Variants in USP7 observed in about 807,000 individuals in gnomAD.
USP7 encodes the protein ubiquitin C-terminal hydrolase 7.
USP7 carries 9 observed loss-of-function variants against 162.9 expected under a neutral mutation model. The ratio of observed to expected loss-of-function variants is 0.06; its 90% CI spans 0.03 to 0.10. The LOEUF (loss-of-function observed/expected upper bound fraction) is 0.10. Ranked by LOEUF, USP7 falls within the 10% of genes least tolerant of loss-of-function variation. USP7 has a pLI of 1.00. For missense variants in USP7, 715 were observed against 1,373.7 expected, an observed-to-expected ratio of 0.52 and a Z score of 7.58; for synonymous variants, 562 against 475.9, an observed-to-expected ratio of 1.18 and a Z score of -2.35.
intron 1 of USP7, among the ~76,000 whole-genome samples, chr16:8,943,864 A>C (rs1229257650): frequency 6.6e-6 from 1 of 152,224 alleles, no homozygotes. Flanking sequence ...GCACAACTTT[A>C]AACATAAGTT....
chr16:8,902,753 T>C (rs538158440), intron 16 of USP7, among the ~76,000 whole-genome samples: 1 of 152,142 alleles, frequency 6.6e-6, no homozygotes, highest in African/African-American at 2.4e-5. Context: ...CTGGGCCTGG[T>C]GACGGGTGCC....
At chr16:8,921,381 A>G in intron 3 of USP7, 86 bp from the exon 4 acceptor site, 1 of 1,469,712 alleles carries the variant, frequency 6.8e-7, no homozygotes, top group Non-Finnish European at 9.2e-7. Context: ...AGCACACCAA[A>G]ATTCCCATTT....
At chr16:8,900,436 G>C (rs1018637992) in intron 21 of USP7, 94 bp downstream of exon 21, 15 of 863,832 alleles carry the variant, frequency 1.7e-5, no homozygotes, top group Admixed American at 9.2e-5. Flanking sequence ...CAAAAACGTG[G>C]CTCGGGATCT....
intron 10 of USP7, among the ~76,000 whole-genome samples, chr16:8,914,743 C>A (rs1430295262): frequency 1.3e-5 from 2 of 151,614 alleles, no homozygotes; most frequent in Non-Finnish European, 1.5e-5. Context: ...CAAAGTAAGA[C>A]CCCATCTCTT....
At chr16:8,913,347 C>T (rs926736491) in intron 10 of USP7, among the ~76,000 whole-genome samples, 2 of 152,066 alleles carry the variant, frequency 1.3e-5, no homozygotes, top group Non-Finnish European at 2.9e-5. Flanking sequence ...CAGAGCGAGA[C>T]TCCCTCTCAA....
chr16:8,929,378 A>G, intron 2 of USP7: 1 of 423,620 alleles, frequency 2.4e-6, no homozygotes, highest in South Asian at 1.7e-5. Flanking sequence ...CCTTCCTCAG[A>G]TATTGCCTCA....
At chr16:8,937,202 CTGTCT>C (rs1211562268) in intron 1 of USP7, among the ~76,000 whole-genome samples, 4 of 48,092 alleles carry the variant, frequency 8.3e-5, no homozygotes, top group Admixed American at 2.2e-4. Context: ...CAGTGAGACT[CTGTCT>C]TTTTTTAAAA....
At chr16:8,901,662 T>C (rs1567210001) in intron 18 of USP7, among the ~76,000 whole-genome samples, 1 of 152,212 alleles carries the variant, frequency 6.6e-6, no homozygotes, top group African/African-American at 2.4e-5. Context: ...TCCACCTGTT[T>C]TGTCGATAAA....
chr16:8,952,546 C>G (rs149985766), intron 1 of USP7, among the ~76,000 whole-genome samples: 1 of 152,312 alleles, frequency 6.6e-6, no homozygotes, highest in Non-Finnish European at 1.5e-5. Context: ...CTCCCCCTTG[C>G]ACCTGTCTTC....
chr16:8,955,714 A>C (rs943459455), intron 1 of USP7, among the ~76,000 whole-genome samples: 3 of 151,400 alleles, frequency 2.0e-5, no homozygotes, highest in African/African-American at 7.3e-5. Context: ...CAAAAAAAAA[A>C]AAAAAAAAAA....
intron 25 of USP7, among the ~76,000 whole-genome samples, chr16:8,898,148 G>T (rs537180875): frequency 4.6e-5 from 7 of 152,238 alleles, no homozygotes; most frequent in Admixed American, 4.6e-4. Context: ...CTGCCGAATG[G>T]TTCCTTAGCT....
intron 1 of USP7, among the ~76,000 whole-genome samples, chr16:8,952,187 C>T (rs940687789): frequency 2.0e-5 from 3 of 152,098 alleles, no homozygotes; most frequent in African/African-American, 4.8e-5. Context: ...GAGTTTGAGG[C>T]TATAGTTAAC....
At chr16:8,912,346 G>A (rs969126194) in intron 10 of USP7, among the ~76,000 whole-genome samples, 11 of 151,910 alleles carry the variant, frequency 7.2e-5, no homozygotes, top group Admixed American at 6.6e-4. Flanking sequence ...CAGCTACTCA[G>A]GAGGCTGAAA....
chr16:8,948,427 C>G (rs1189971995), intron 1 of USP7, among the ~76,000 whole-genome samples: 1 of 152,208 alleles, frequency 6.6e-6, no homozygotes, highest in Admixed American at 6.5e-5. Flanking sequence ...TCAAGCTATC[C>G]ACCGGCCTCG....
intron 8 of USP7, 132 bp from the exon 9 acceptor site, chr16:8,915,657 A>G (rs1197921523): frequency 8.9e-6 from 7 of 787,210 alleles, no homozygotes; most frequent in Non-Finnish European, 1.4e-5. Flanking sequence ...CTGGCATGCA[A>G]TTCTCAAAAA....
chr16:8,916,455 T>A, intron 8 of USP7, 47 bp downstream of exon 8: 2 of 1,576,264 alleles, frequency 1.3e-6, no homozygotes. Context: ...TGACCATGCT[T>A]CAAAATATTC....
At chr16:8,923,113 C>G in intron 3 of USP7, 102 bp downstream of exon 3, 3 of 572,772 alleles carry the variant, frequency 5.2e-6, no homozygotes, top group Non-Finnish European at 8.0e-6. Flanking sequence ...CGTATTTAAT[C>G]TAATTTAAAA....
chr16:8,933,357 G>A (rs1330490936), intron 1 of USP7, among the ~76,000 whole-genome samples: 1 of 152,042 alleles, frequency 6.6e-6, no homozygotes, highest in Non-Finnish European at 1.5e-5. Flanking sequence ...GACCAACATG[G>A]GCAATATAGT....
chr16:8,911,900 A>G (rs1490362517), intron 10 of USP7, among the ~76,000 whole-genome samples: 1 of 152,210 alleles, frequency 6.6e-6, no homozygotes, highest in Non-Finnish European at 1.5e-5. Flanking sequence ...CAGGCTGGGA[A>G]GTCTGTGTTC....
Sources: allele counts gnomAD v4.1 joint callset (sites outside exome capture counted in the v4.1 genomes callset), GRCh38; gene constraint gnomAD v4.1.1; transcripts MANE v1.5; gene names NCBI Gene and HGNC (gene_info 2026-07-23, HGNC 2026-07-21).